Variants in TRPM1 observed in about 807,000 individuals in gnomAD.
TRPM1 encodes the protein transient receptor potential cation channel subfamily M member 1.
A neutral mutation model predicts 149.4 loss-of-function variants in TRPM1; 113 were observed. The observed-to-expected ratio is 0.76, with a 90% CI of 0.65 to 0.88. TRPM1 has a LOEUF of 0.88. Ranked by LOEUF, TRPM1 falls within the 40% of genes least tolerant of loss-of-function variation. The pLI, the probability that TRPM1 is intolerant of heterozygous loss-of-function variation, is 0.00. For missense variants in TRPM1, 1,976 were observed against 2,038.7 expected (o/e 0.97, Z 0.59); for synonymous variants, 741 against 759.5 (o/e 0.98, Z 0.40).
intron 1 of TRPM1, among the ~76,000 whole-genome samples, chr15:31,113,978 C>A (rs1319958856): frequency 6.6e-6 from 1 of 152,132 alleles, no homozygotes; most frequent in Non-Finnish European, 1.5e-5. Flanking sequence ...GCTGATTGGT[C>A]CATTTTACAG....
rs2032988525 is a variant in TRPM1 at position 31,029,922 on chromosome 15, TACA to T, written c.3128-534_3128-532del. Among the ~76,000 whole-genome samples, 4 of 152,174 alleles carry T rather than the reference TACA, an allele frequency of 2.6e-5. No homozygotes were observed. In the East Asian group the frequency reaches 7.7e-4, roughly 29 times the overall value. ...AAAAAGAGCTCAACAATAAAAATAC[TACA>T]GTTTATGCCTGGAATTCAGGAACTT... On this transcript the variant is annotated intron_variant, in intron 23 of 27. Coordinates refer to ENST00000256552, the MANE Select transcript of TRPM1 (RefSeq NM_001252024.2).
At chr15:31,118,036 G>A (rs1216414159) in intron 1 of TRPM1, among the ~76,000 whole-genome samples, 3 of 152,106 alleles carry the variant, frequency 2.0e-5, no homozygotes, top group Non-Finnish European at 4.4e-5. Context: ...CGAGGTGGGA[G>A]GATCACTTGA....
chr15:31,078,912 A>G (rs916915088), intron 2 of TRPM1, among the ~76,000 whole-genome samples: 1 of 152,226 alleles, frequency 6.6e-6, no homozygotes, highest in Non-Finnish European at 1.5e-5. Flanking sequence ...TTTTTCTGGA[A>G]CATAGGATAG....
At chr15:31,072,012 TATATATAGAGAG>T (rs1328860387) in intron 3 of TRPM1, among the ~76,000 whole-genome samples, 804 of 28,272 alleles carry the variant, frequency 0.028, 4 homozygotes, top group Non-Finnish European at 0.042. Context: ...TATATATATA[TATATATAGAGAG>T]AGAGAGAGAG....
chr15:31,046,384 G>GAAAC, intron 15 of TRPM1, 151 bp from the exon 16 acceptor site: 10 of 780,274 alleles, frequency 1.3e-5, no homozygotes, highest in Non-Finnish European at 1.7e-5. Flanking sequence ...AGGAAAAGAA[G>GAAAC]TGCTTTAATA....
intron 3 of TRPM1, among the ~76,000 whole-genome samples, chr15:31,072,655 T>G (rs1386236744): frequency 2.0e-5 from 3 of 152,144 alleles, no homozygotes; most frequent in African/African-American, 7.2e-5. Context: ...TGTCTGAGGG[T>G]TCTGATTTCT....
At chr15:31,110,180 A>T (rs1454807209) in intron 1 of TRPM1, among the ~76,000 whole-genome samples, 1 of 152,200 alleles carries the variant, frequency 6.6e-6, no homozygotes, top group Non-Finnish European at 1.5e-5. Flanking sequence ...ACTGATTCTC[A>T]GTTGGCAGAA....
intron 16 of TRPM1, among the ~76,000 whole-genome samples, chr15:31,043,964 T>C (rs923419366): frequency 6.6e-6 from 1 of 151,892 alleles, no homozygotes; most frequent in Non-Finnish European, 1.5e-5. Context: ...TAAGGAAAAA[T>C]TGACATATTA....
intron 1 of TRPM1, among the ~76,000 whole-genome samples, chr15:31,099,168 G>A (rs1275645594): frequency 6.6e-6 from 1 of 152,170 alleles, no homozygotes; most frequent in Non-Finnish European, 1.5e-5. Context: ...CCATGGCTGA[G>A]TCTAACCTCA....
intron 4 of TRPM1, 85 bp downstream of exon 4, chr15:31,069,946 C>G: frequency 3.1e-6 from 5 of 1,612,904 alleles, no homozygotes; most frequent in Non-Finnish European, 4.2e-6. Context: ...TGAAGAAGAC[C>G]AGGTATCTGC....
Position 31,035,606 on chromosome 15 carries a change from G to T in TRPM1, c.2640C>A (p.Ser880=). 6.2e-7 allele frequency: 1 copy of T among 1,614,212 alleles called. No individual in the cohort carries two copies. Among genetic ancestry groups the T allele is most frequent in the Non-Finnish European group, 8.5e-7 (1 of 1,180,034 alleles). The stretch of plus-strand genomic sequence containing the variant: ...AGGAGATGACGATCCACTCCTGGAG[G>T]GACGGCCAGCCATCCATCCGCACCA... ...VILVRMDGWP[S]LQEWIVISYI... The change falls in exon 21 of 28, where the codon TCC becomes TCA. Residue 880 remains serine, a synonymous_variant. Transcript: ENST00000256552.
At chr15:31,022,936 C>T (rs2032597776) in intron 27 of TRPM1, among the ~76,000 whole-genome samples, 1 of 152,168 alleles carries the variant, frequency 6.6e-6, no homozygotes, top group Non-Finnish European at 1.5e-5. Context: ...GCAGAAGGCT[C>T]GCTTGAGTCC....
intron 16 of TRPM1, among the ~76,000 whole-genome samples, chr15:31,044,275 A>T (rs1406449794): frequency 6.6e-6 from 1 of 152,238 alleles, no homozygotes; most frequent in East Asian, 1.9e-4. Context: ...GAAGATGGAA[A>T]ATGAGTGAAT....
intron 1 of TRPM1, among the ~76,000 whole-genome samples, chr15:31,128,868 A>G (rs1032002768): frequency 6.6e-6 from 1 of 152,232 alleles, no homozygotes. Context: ...TTTATTTTGC[A>G]TAGAACTCAG....
intron 1 of TRPM1, among the ~76,000 whole-genome samples, chr15:31,135,411 TA>T (rs1164424563): frequency 1.3e-5 from 2 of 152,026 alleles, no homozygotes. Flanking sequence ...ACTTGTCAAT[TA>T]AAAAAATTAA....
rs1178316711 is a variant in TRPM1, at chr15:31,028,092, C to G, written c.3293+240G>C. Reference sequence around the variant, plus strand: ...TATTTTCATTAGATTAAAATACATGCTAAAGTGTTAAAATACTAACCAAGA... The same window carrying G: ...TATTTTCATTAGATTAAAATACATGGTAAAGTGTTAAAATACTAACCAAGA... On this transcript the variant is annotated intron_variant, in intron 25 of 27. Transcript: ENST00000256552. Among the ~76,000 whole-genome samples the G allele has an allele frequency of 1.2e-4, 18 of 152,102 alleles. 1 individual carries two copies. The highest frequency in any genetic ancestry group is 1.5e-5 in the Non-Finnish European group (1 of 68,018).
intron 1 of TRPM1, among the ~76,000 whole-genome samples, chr15:31,142,425 T>C (rs1011766813): frequency 1.2e-4 from 18 of 152,338 alleles, no homozygotes; most frequent in Non-Finnish European, 2.5e-4. Context: ...TGAGATCTTG[T>C]AGGTAATTGG....
intron 1 of TRPM1, among the ~76,000 whole-genome samples, chr15:31,086,256 G>A (rs9944230): frequency 0.24 from 36,700 of 152,102 alleles, 4,708 homozygotes; most frequent in South Asian, 0.34. Flanking sequence ...GAGGGGGAGC[G>A]GCAAGGTTGG....
intron 1 of TRPM1, among the ~76,000 whole-genome samples, chr15:31,141,041 G>A (rs1627249): frequency 8.0e-5 from 12 of 150,092 alleles, no homozygotes; most frequent in South Asian, 4.2e-4. Context: ...CATGTTGGCC[G>A]GGCTAGCCTG....
Sources: allele counts gnomAD v4.1 joint callset (sites outside exome capture counted in the v4.1 genomes callset), GRCh38; gene constraint gnomAD v4.1.1; transcripts MANE v1.5; gene names NCBI Gene and HGNC (gene_info 2026-07-23, HGNC 2026-07-21).